Variants in IMMP2L observed in about 807,000 individuals in gnomAD.
IMMP2L encodes inner mitochondrial membrane peptidase subunit 2, also known as mitochondrial inner membrane protease subunit 2.
In IMMP2L, 18 loss-of-function variants were observed where a neutral mutation model predicts 19.3. The observed-to-expected ratio is 0.93, with a 90% confidence interval of 0.64 to 1.38. The LOEUF (loss-of-function observed/expected upper bound fraction) is 1.38. IMMP2L is among the 40% of genes most tolerant of loss of function. The pLI is 0.00. For synonymous variants in IMMP2L, 76 were observed against 73.0 expected (o/e 1.04, Z -0.21); for missense variants, 233 against 218.2 (o/e 1.07, Z -0.43).
chr7:111,303,683 A>G (rs561459293), intron 3 of IMMP2L, among the ~76,000 whole-genome samples: 1 of 152,230 alleles, frequency 6.6e-6, no homozygotes, highest in Non-Finnish European at 1.5e-5. Flanking sequence ...CTGAGTTGAC[A>G]GTTTTTGAAT....
At chr7:111,525,165 C>T (rs1032515447) in intron 1 of IMMP2L, among the ~76,000 whole-genome samples, 2 of 152,078 alleles carry the variant, frequency 1.3e-5, no homozygotes, top group Non-Finnish European at 2.9e-5. Flanking sequence ...GAGGAAGAGG[C>T]TGAACTGAAA....
At chr7:111,481,017 C>T (rs954642919) in intron 3 of IMMP2L, among the ~76,000 whole-genome samples, 4 of 152,062 alleles carry the variant, frequency 2.6e-5, no homozygotes, top group Admixed American at 6.6e-5. Flanking sequence ...ATTTCCCTTG[C>T]TCAAATCTTT....
At chr7:111,520,884 C>A (rs1297885175) in intron 2 of IMMP2L, among the ~76,000 whole-genome samples, 4 of 152,098 alleles carry the variant, frequency 2.6e-5, no homozygotes, top group Non-Finnish European at 4.4e-5. Context: ...TATCTGGGAT[C>A]AATGGTCTAG....
chr7:111,504,454 AG>A (rs1287093395), intron 2 of IMMP2L, among the ~76,000 whole-genome samples: 1 of 151,940 alleles, frequency 6.6e-6, no homozygotes, highest in African/African-American at 2.4e-5. Flanking sequence ...CTTTCTTCAC[AG>A]AATTGGAAAA....
chr7:110,707,015 T>TA (rs1554399179), intron 5 of IMMP2L, among the ~76,000 whole-genome samples: 3 of 140,604 alleles, frequency 2.1e-5, no homozygotes, highest in Non-Finnish European at 4.7e-5. Flanking sequence ...TTTTTTTTTT[T>TA]TTATTATACT....
intron 3 of IMMP2L, among the ~76,000 whole-genome samples, chr7:111,089,301 A>G (rs1796612360): frequency 6.6e-6 from 1 of 152,142 alleles, no homozygotes; most frequent in Admixed American, 6.5e-5. Context: ...ACTTACCTTC[A>G]TTATGGGAGT....
intron 5 of IMMP2L, among the ~76,000 whole-genome samples, chr7:110,873,776 AG>A (rs1222113237): frequency 6.7e-6 from 1 of 148,426 alleles, no homozygotes; most frequent in Admixed American, 6.7e-5. Flanking sequence ...ACTCTGTCTC[AG>A]GAAAAAAAAA....
chr7:111,425,630 T>C (rs1350582451), intron 3 of IMMP2L, among the ~76,000 whole-genome samples: 1 of 151,162 alleles, frequency 6.6e-6, no homozygotes, highest in African/African-American at 2.4e-5. Flanking sequence ...TGTAATTGTC[T>C]TTTGACTTCT....
intron 3 of IMMP2L, among the ~76,000 whole-genome samples, chr7:111,476,588 T>C (rs1390996585): frequency 6.6e-5 from 10 of 152,176 alleles, no homozygotes; most frequent in Non-Finnish European, 1.2e-4. Context: ...AAGGTGTCAG[T>C]GGGACTAGGT....
chr7:111,395,479 T>C (rs1406187880), intron 3 of IMMP2L, among the ~76,000 whole-genome samples: 4 of 152,214 alleles, frequency 2.6e-5, no homozygotes, highest in Admixed American at 1.3e-4. Flanking sequence ...TTCTTGTAAA[T>C]GAATGTGCTA....
intron 5 of IMMP2L, among the ~76,000 whole-genome samples, chr7:110,755,457 G>A (rs1797982368): frequency 6.6e-6 from 1 of 152,090 alleles, no homozygotes; most frequent in Admixed American, 6.6e-5. Context: ...TTCTACACCT[G>A]TAGTTTAAGT....
chr7:111,506,989 A>G (rs1415347572), intron 2 of IMMP2L, among the ~76,000 whole-genome samples: 1 of 152,012 alleles, frequency 6.6e-6, no homozygotes, highest in African/African-American at 2.4e-5. Flanking sequence ...CTACAGGCGC[A>G]TGCCACCAAG....
intron 3 of IMMP2L, among the ~76,000 whole-genome samples, chr7:111,240,008 G>T (rs1445884346): frequency 2.0e-5 from 3 of 151,924 alleles, no homozygotes; most frequent in South Asian, 4.1e-4. Context: ...GTAATAATTT[G>T]GCATTACCAC....
intron 3 of IMMP2L, among the ~76,000 whole-genome samples, chr7:111,037,169 G>T (rs750181087): frequency 1.3e-5 from 2 of 152,132 alleles, no homozygotes; most frequent in Non-Finnish European, 2.9e-5. Flanking sequence ...GGTGGCAGGT[G>T]CTTCAATACT....
intron 5 of IMMP2L, among the ~76,000 whole-genome samples, chr7:110,866,735 C>G (rs1808019364): frequency 6.6e-6 from 1 of 152,002 alleles, no homozygotes; most frequent in South Asian, 2.1e-4. Flanking sequence ...AGCCTTGAAC[C>G]CAAAGGAGTA....
At chr7:111,353,101 C>T (rs1051284243) in intron 3 of IMMP2L, among the ~76,000 whole-genome samples, 4 of 152,200 alleles carry the variant, frequency 2.6e-5, no homozygotes, top group African/African-American at 7.2e-5. Context: ...TGTTGCTTCA[C>T]AAAATTCCAG....
intron 3 of IMMP2L, among the ~76,000 whole-genome samples, chr7:111,236,206 C>G (rs1222155694): frequency 6.6e-6 from 1 of 151,802 alleles, no homozygotes; most frequent in Non-Finnish European, 1.5e-5. Context: ...TGTGTCTTTG[C>G]ATTAAAAGTA....
intron 4 of IMMP2L, among the ~76,000 whole-genome samples, chr7:110,951,573 G>T (rs960136402): frequency 2.0e-5 from 3 of 151,780 alleles, no homozygotes; most frequent in African/African-American, 4.8e-5. Context: ...ATGTGTGTGT[G>T]TGTATACATA....
intron 5 of IMMP2L, among the ~76,000 whole-genome samples, chr7:110,749,997 A>G (rs999344909): frequency 4.6e-5 from 7 of 152,112 alleles, no homozygotes; most frequent in African/African-American, 1.7e-4. Context: ...TTACTTAGAC[A>G]AGCTGCCAGG....
Sources: gnomAD v4.1 joint callset for allele counts (sites outside exome capture counted in the v4.1 genomes callset) on GRCh38, gnomAD v4.1.1 for gene constraint, MANE v1.5 for transcripts, NCBI Gene and HGNC (gene_info 2026-07-23, HGNC 2026-07-21) for gene names.